The following NRXN1 variants were observed in gnomAD, a reference collection of about 807,000 sequenced individuals.
NRXN1 encodes the protein neurexin-1.
A neutral mutation model predicts 150.9 loss-of-function variants in NRXN1; 39 were observed. The ratio of observed to expected loss-of-function variants is 0.26; its 90% CI spans 0.20 to 0.34. The LOEUF (loss-of-function observed/expected upper bound fraction) is 0.34. Ranked by LOEUF, NRXN1 falls within the 10% of genes least tolerant of loss-of-function variation. The pLI, the probability that NRXN1 is intolerant of heterozygous loss-of-function variation, is 1.00. For missense variants in NRXN1, 1,815 were observed against 1,949.9 expected, an observed-to-expected ratio of 0.93 and a Z score of 1.30; for synonymous variants, 924 against 757.0, an observed-to-expected ratio of 1.22 and a Z score of -3.62.
chr2:50,148,832 C>T (rs183175760), intron 18 of NRXN1, among the ~76,000 whole-genome samples: 39 of 151,802 alleles, frequency 2.6e-4, no homozygotes, highest in African/African-American at 8.9e-4. Flanking sequence ...GAGAATTCAC[C>T]TGAGTCCTAA....
intron 2 of NRXN1, among the ~76,000 whole-genome samples, chr2:50,943,946 C>A (rs911201429): frequency 6.6e-6 from 1 of 152,006 alleles, no homozygotes; most frequent in Admixed American, 6.6e-5. Context: ...CCCTGGCATA[C>A]GATTTCTGAC....
intron 18 of NRXN1, among the ~76,000 whole-genome samples, chr2:50,128,069 T>C (rs557374251): frequency 6.6e-6 from 1 of 152,168 alleles, no homozygotes; most frequent in African/African-American, 2.4e-5. Flanking sequence ...AGCTGAAAGA[T>C]TGGTTACTGG....
chr2:50,410,414 C>T (rs2083064957), intron 17 of NRXN1, among the ~76,000 whole-genome samples: 2 of 152,188 alleles, frequency 1.3e-5, no homozygotes, highest in South Asian at 4.1e-4. Context: ...ACCTATCTGC[C>T]TCTCAGAAGT....
At chr2:50,695,639 T>C in intron 5 of NRXN1, among the ~76,000 whole-genome samples, 1 of 152,166 alleles carries the variant, frequency 6.6e-6, no homozygotes, top group Admixed American at 6.5e-5. Flanking sequence ...GAGATTAAAA[T>C]ATGTGAAATA....
chr2:50,518,990 T>C (rs886223643), intron 12 of NRXN1, among the ~76,000 whole-genome samples: 3 of 151,946 alleles, frequency 2.0e-5, no homozygotes, highest in Admixed American at 1.3e-4. Flanking sequence ...GTCATTATAA[T>C]GCGTAGAAAT....
chr2:50,596,340 T>A (rs1163519455), intron 8 of NRXN1, among the ~76,000 whole-genome samples: 1 of 152,218 alleles, frequency 6.6e-6, no homozygotes, highest in Non-Finnish European at 1.5e-5. Flanking sequence ...GTTGTCTACA[T>A]CATTCACGAT....
At chr2:50,070,587 G>A (rs1033068407) in intron 19 of NRXN1, among the ~76,000 whole-genome samples, 1 of 151,660 alleles carries the variant, frequency 6.6e-6, no homozygotes, top group African/African-American at 2.4e-5. Flanking sequence ...CGGCTAAAAC[G>A]GTGAAACCCC....
At chr2:50,397,520 T>C (rs1177117273) in intron 17 of NRXN1, among the ~76,000 whole-genome samples, 1 of 152,084 alleles carries the variant, frequency 6.6e-6, no homozygotes, top group East Asian at 1.9e-4. Context: ...TGGGTACTAT[T>C]ATTAAGTCCA....
intron 5 of NRXN1, among the ~76,000 whole-genome samples, chr2:50,697,863 T>TGTACCA (rs1331353982): frequency 1.3e-5 from 2 of 152,164 alleles, no homozygotes; most frequent in Non-Finnish European, 2.9e-5. Context: ...CTTGGTGCTT[T>TGTACCA]GTACCAGCTG....
intron 18 of NRXN1, among the ~76,000 whole-genome samples, chr2:50,219,985 T>TTATATATTATATATATAATATATATATTA (rs1559116192): frequency 1.7e-4 from 9 of 51,728 alleles, no homozygotes; most frequent in African/African-American, 7.5e-4. Context: ...AATATATATA[T>TTATATATTATATATATAATATATATATTA]TATATATAAT....
intron 8 of NRXN1, among the ~76,000 whole-genome samples, chr2:50,617,844 C>T (rs1478424834): frequency 6.6e-6 from 1 of 152,158 alleles, no homozygotes; most frequent in Admixed American, 6.6e-5. Context: ...AGGTGTTAAT[C>T]TGAAGCACGG....
intron 5 of NRXN1, among the ~76,000 whole-genome samples, chr2:50,739,834 A>AT (rs1699217162): frequency 6.6e-6 from 1 of 152,168 alleles, no homozygotes; most frequent in Non-Finnish European, 1.5e-5. Flanking sequence ...TCAAAAGGAA[A>AT]TATGTGGAGT....
intron 5 of NRXN1, among the ~76,000 whole-genome samples, chr2:50,876,029 G>T (rs1422624855): frequency 6.6e-6 from 1 of 151,742 alleles, no homozygotes; most frequent in Non-Finnish European, 1.5e-5. Flanking sequence ...CTCCTGACAG[G>T]GATTCTGTCA....
chr2:50,975,855 C>G (rs1399719895), intron 2 of NRXN1, among the ~76,000 whole-genome samples: 1 of 151,908 alleles, frequency 6.6e-6, no homozygotes, highest in Non-Finnish European at 1.5e-5. Flanking sequence ...CAAGAGCAGT[C>G]GAGGGAGATA....
At chr2:49,969,889 T>C (rs913010482) in intron 21 of NRXN1, 2 of 152,166 alleles carry the variant, frequency 1.3e-5, no homozygotes, top group African/African-American at 2.4e-5. Context: ...TATGTAATCA[T>C]GTTTTCCATC....
chr2:50,495,498 AG>A (rs1404149641), intron 15 of NRXN1, among the ~76,000 whole-genome samples: 1 of 151,934 alleles, frequency 6.6e-6, no homozygotes, highest in South Asian at 2.1e-4. Context: ...TCAGGGACTT[AG>A]GATCCAGGAA....
intron 8 of NRXN1, among the ~76,000 whole-genome samples, chr2:50,561,884 C>A (rs1463760094): frequency 1.3e-5 from 2 of 152,198 alleles, no homozygotes; most frequent in East Asian, 1.9e-4. Flanking sequence ...GATGAAGATA[C>A]TTTCCGCATC....
chr2:50,567,819 T>C (rs1670093524), intron 8 of NRXN1, among the ~76,000 whole-genome samples: 1 of 152,114 alleles, frequency 6.6e-6, no homozygotes, highest in Non-Finnish European at 1.5e-5. Context: ...TATTCAAAAA[T>C]AATGACGAAC....
chr2:50,815,334 C>T (rs10427251), intron 5 of NRXN1, among the ~76,000 whole-genome samples: 3 of 151,888 alleles, frequency 2.0e-5, no homozygotes, highest in African/African-American at 7.3e-5. Flanking sequence ...TTTCTAAATC[C>T]CATTAGAATG....
Sources: allele counts gnomAD v4.1 joint callset (sites outside exome capture counted in the v4.1 genomes callset), GRCh38; gene constraint gnomAD v4.1.1; transcripts MANE v1.5; gene names NCBI Gene and HGNC (gene_info 2026-07-23, HGNC 2026-07-21).